PCDH7: variants seen among roughly 807,000 people sequenced by gnomAD.
PCDH7 encodes the protein protocadherin-7.
PCDH7 carries 17 observed loss-of-function variants against 58.9 expected under a neutral mutation model. The ratio of observed to expected loss-of-function variants is 0.29; its 90% CI spans 0.20 to 0.43. PCDH7 has a LOEUF of 0.43. PCDH7 is among the 20% of genes least tolerant of loss of function. The probability of loss-of-function intolerance (pLI) is 1.00; values close to 1 mark genes in which losing one functional copy is unlikely to be tolerated. For missense variants in PCDH7, 1,274 were observed against 1,441.0 expected, an observed-to-expected ratio of 0.88 and a Z score of 1.88; for synonymous variants, 664 against 616.4, an observed-to-expected ratio of 1.08 and a Z score of -1.14.
At chr4:30,800,204 T>C (rs1353003840) in intron 1 of PCDH7, among the ~76,000 whole-genome samples, 3 of 151,988 alleles carry the variant, frequency 2.0e-5, no homozygotes, top group Admixed American at 6.6e-5. Context: ...ATATCAGGGA[T>C]CCTAATGTCA....
At chr4:31,017,434 A>AC (rs1180689925) in intron 3 of PCDH7, among the ~76,000 whole-genome samples, 1 of 152,144 alleles carries the variant, frequency 6.6e-6, no homozygotes, top group African/African-American at 2.4e-5. Context: ...AGATGGGAGG[A>AC]TCTAAACAGT....
At chr4:30,894,744 G>A (rs73214929) in intron 1 of PCDH7, among the ~76,000 whole-genome samples, 72 of 150,496 alleles carry the variant, frequency 4.8e-4, no homozygotes, top group Non-Finnish European at 8.4e-4. Flanking sequence ...CCATGAGATG[G>A]ATAAGGAACT....
At chr4:30,835,240 T>C (rs1730336163) in intron 1 of PCDH7, among the ~76,000 whole-genome samples, 1 of 152,026 alleles carries the variant, frequency 6.6e-6, no homozygotes, top group Non-Finnish European at 1.5e-5. Context: ...CACGAACCGG[T>C]CCAGGTTCAT....
At chr4:30,855,650 A>G (rs1733357046) in intron 1 of PCDH7, among the ~76,000 whole-genome samples, 3 of 152,296 alleles carry the variant, frequency 2.0e-5, no homozygotes, top group Middle Eastern at 3.4e-3. Context: ...AAAGAGGATG[A>G]TCTTTTGCTC....
intron 1 of PCDH7, among the ~76,000 whole-genome samples, chr4:30,789,603 GT>G (rs1053077774): frequency 2.0e-5 from 3 of 151,198 alleles, no homozygotes; most frequent in East Asian, 1.9e-4. Flanking sequence ...TGTATAGAGG[GT>G]TTTTTTTTCC....
intron 1 of PCDH7, among the ~76,000 whole-genome samples, chr4:30,911,008 T>C (rs910460255): frequency 1.2e-4 from 19 of 152,212 alleles, no homozygotes; most frequent in African/African-American, 3.6e-4. Context: ...GTTGTTTGCA[T>C]GGACATGGAT....
intron 1 of PCDH7, among the ~76,000 whole-genome samples, chr4:30,747,473 G>A (rs936212195): frequency 1.1e-4 from 16 of 152,144 alleles, no homozygotes; most frequent in African/African-American, 3.9e-4. Context: ...TTTCTGTAGT[G>A]TCAAGAGGAG....
At chr4:30,812,706 G>A (rs1311118820) in intron 1 of PCDH7, among the ~76,000 whole-genome samples, 1 of 151,996 alleles carries the variant, frequency 6.6e-6, no homozygotes, top group Non-Finnish European at 1.5e-5. Flanking sequence ...CCTGTTCTCA[G>A]TATTATCTTC....
intron 1 of PCDH7, among the ~76,000 whole-genome samples, chr4:30,858,151 G>T (rs2109351937): frequency 6.6e-6 from 1 of 152,194 alleles, no homozygotes; most frequent in South Asian, 2.1e-4. Context: ...AATGCTTCAA[G>T]TTGCCATTCC....
At chr4:30,976,754 T>C (rs541161393) in intron 3 of PCDH7, among the ~76,000 whole-genome samples, 131 of 152,286 alleles carry the variant, frequency 8.6e-4, no homozygotes, top group African/African-American at 3.1e-3. Flanking sequence ...ACACGTTTGG[T>C]TGCCATTGAC....
intron 1 of PCDH7, among the ~76,000 whole-genome samples, chr4:30,778,223 T>A (rs1323364054): frequency 2.6e-5 from 4 of 152,114 alleles, no homozygotes; most frequent in Non-Finnish European, 4.4e-5. Context: ...TTGTAGCACA[T>A]AAAATCCTTA....
At chr4:30,726,778 A>G (rs1714668210) in intron 1 of PCDH7, among the ~76,000 whole-genome samples, 3 of 152,008 alleles carry the variant, frequency 2.0e-5, no homozygotes, top group East Asian at 1.9e-4. Context: ...GGCAGATGAA[A>G]CACATTCCCC....
At chr4:30,818,071 C>A (rs888733978) in intron 1 of PCDH7, among the ~76,000 whole-genome samples, 11 of 152,090 alleles carry the variant, frequency 7.2e-5, no homozygotes, top group African/African-American at 2.2e-4. Context: ...GGGATCTGTA[C>A]CTGCTTAGCC....
intron 3 of PCDH7, among the ~76,000 whole-genome samples, chr4:30,978,877 G>C (rs888812068): frequency 2.0e-5 from 3 of 152,058 alleles, no homozygotes; most frequent in Non-Finnish European, 2.9e-5. Flanking sequence ...TGTAAAATAA[G>C]GGGATTATAA....
At position 30,753,181 on chromosome 4, in the gene PCDH7, A is replaced by T. The variant is rs910476220; in HGVS notation, c.70+28585A>T. Among the ~76,000 whole-genome samples the T allele has an allele frequency of 2.0e-5, 3 of 152,206 alleles. No individual in the cohort carries two copies. The South Asian group carries it at 6.2e-4, about 31-fold the overall frequency. On this transcript the variant is annotated intron_variant, in intron 1 of 3. Transcript: ENST00000509759. ...ATAAACAATAATGGGCCTATGAAAG[A>T]CAAGGTCAGAGTATTTCTCTTAACT... is the stretch of plus-strand genomic sequence containing the variant.
intron 1 of PCDH7, among the ~76,000 whole-genome samples, chr4:30,759,371 T>C (rs1719738374): frequency 6.6e-6 from 1 of 152,200 alleles, no homozygotes; most frequent in South Asian, 2.1e-4. Flanking sequence ...CTTTGAGCTC[T>C]ACACTTTTCT....
At chr4:30,948,079 T>C (rs1178155723) in intron 2 of PCDH7, among the ~76,000 whole-genome samples, 1 of 136,164 alleles carries the variant, frequency 7.3e-6, no homozygotes, top group Non-Finnish European at 1.6e-5. Flanking sequence ...CATTTTATAT[T>C]GCTTATTACA....
intron 3 of PCDH7, among the ~76,000 whole-genome samples, chr4:31,124,970 A>G (rs777548896): frequency 2.6e-5 from 4 of 152,218 alleles, no homozygotes; most frequent in Admixed American, 6.5e-5. Context: ...GTTTCCAAAC[A>G]TGGCTTTTCT....
rs372247935 is a variant in PCDH7, at chr4:31,075,998, C to T, written c.*8-66475C>T. 7.2e-5 allele frequency among the ~76,000 whole-genome samples: 11 copies of T among 152,242 alleles called. 1 individual carries two copies. In the East Asian group the frequency reaches 1.7e-3, roughly 24 times the overall value. On this transcript the variant is annotated intron_variant, in intron 3 of 3. Transcript: ENST00000509759. ...TTAAATTTCCCAATGTAGGTTATGA[C>T]CTCATGGAAATATTTGTATCTCTAA...
Sources: gnomAD v4.1 joint callset for allele counts (sites outside exome capture counted in the v4.1 genomes callset) on GRCh38, gnomAD v4.1.1 for gene constraint, MANE v1.5 for transcripts, NCBI Gene and HGNC (gene_info 2026-07-23, HGNC 2026-07-21) for gene names.